NTRK3: variants seen among roughly 807,000 people sequenced by gnomAD.
The protein encoded by NTRK3 is neurotrophic receptor tyrosine kinase 3, also known as NT-3 growth factor receptor.
NTRK3 carries 24 observed loss-of-function variants against 91.7 expected under a neutral mutation model. The ratio of observed to expected loss-of-function variants is 0.26; its 90% CI spans 0.19 to 0.37. NTRK3 has a LOEUF of 0.37. Among genes scored for constraint, NTRK3 ranks in the 10% least tolerant of loss-of-function variants. The pLI is 1.00. For synonymous variants in NTRK3, 483 were observed against 404.0 expected (o/e 1.20, Z -2.34); for missense variants, 880 against 1,068.9 (o/e 0.82, Z 2.46).
intron 13 of NTRK3, among the ~76,000 whole-genome samples, chr15:88,063,958 G>A (rs978338517): frequency 6.6e-6 from 1 of 152,142 alleles, no homozygotes; most frequent in African/African-American, 2.4e-5. Flanking sequence ...CTCAGAATGT[G>A]ACCTTATCTG....
chr15:87,920,437 C>T (rs2067775627), intron 17 of NTRK3, among the ~76,000 whole-genome samples: 1 of 152,174 alleles, frequency 6.6e-6, no homozygotes. Context: ...CAGTCTGTGG[C>T]CACGTCTCCT....
intron 13 of NTRK3, among the ~76,000 whole-genome samples, chr15:88,052,492 G>A (rs902556704): frequency 3.0e-4 from 46 of 152,322 alleles, no homozygotes; most frequent in African/African-American, 1.1e-3. Flanking sequence ...AAAGCCCATG[G>A]GCGTCTTTCA....
intron 14 of NTRK3, among the ~76,000 whole-genome samples, chr15:87,986,539 G>C (rs1326407635): frequency 3.3e-5 from 5 of 152,180 alleles, no homozygotes; most frequent in Admixed American, 3.3e-4. Context: ...CCAAATTATA[G>C]TTTTGTTCTG....
At chr15:88,169,870 C>T (rs539908180) in intron 5 of NTRK3, among the ~76,000 whole-genome samples, 21 of 152,264 alleles carry the variant, frequency 1.4e-4, no homozygotes, top group African/African-American at 4.8e-4. Context: ...TTTCAGGTGG[C>T]CTGGAAGCCT....
chr15:88,100,991 G>T (rs149182609), intron 13 of NTRK3, among the ~76,000 whole-genome samples: 1,832 of 152,270 alleles, frequency 0.012, 30 homozygotes, highest in African/African-American at 0.042. Context: ...AAAAGCAATT[G>T]CAACAAAAGC....
chr15:88,168,979 G>A (rs563818176), intron 5 of NTRK3, among the ~76,000 whole-genome samples: 4 of 152,204 alleles, frequency 2.6e-5, no homozygotes, highest in Admixed American at 6.5e-5. Flanking sequence ...TAACTAAAGC[G>A]AGTCAGAGGC....
rs1444731394 is a variant in NTRK3 at position 88,212,759 on chromosome 15, C to CACAT, written c.249-28461_249-28460insATGT. 3.7e-3 allele frequency among the ~76,000 whole-genome samples: 373 copies of CACAT among 101,268 alleles called. 2 individuals carry two copies. Among genetic ancestry groups the CACAT allele is most frequent in the Admixed American group, 0.012 (119 of 9,820 alleles). The allele number at this position is 101,268 out of a possible 152,430, so 66.4% of individuals were successfully genotyped here. A position where few individuals can be genotyped will look rare whatever the true frequency, so the allele number is the denominator to read the frequency against. On this transcript the variant is annotated intron_variant, in intron 3 of 18. Coordinates refer to ENST00000394480, the Ensembl canonical transcript of NTRK3. Reference sequence around the variant, plus strand: ...ACACACACACACACACACACACACACATCCCAGGCCCCCATGGCCAGCAGT... The same window carrying CACAT: ...ACACACACACACACACACACACACACACATATCCCAGGCCCCCATGGCCAGCAGT...
intron 17 of NTRK3, among the ~76,000 whole-genome samples, chr15:87,896,289 G>A (rs1287589356): frequency 6.6e-6 from 1 of 152,054 alleles, no homozygotes; most frequent in African/African-American, 2.4e-5. Context: ...CGGCCAATAT[G>A]GTGAAACCCT....
At chr15:88,075,674 T>C (rs2047480780) in intron 13 of NTRK3, among the ~76,000 whole-genome samples, 2 of 152,110 alleles carry the variant, frequency 1.3e-5, no homozygotes, top group South Asian at 4.2e-4. Context: ...TACCTCAAAA[T>C]TCCCTCCACC....
chr15:88,073,464 T>G (rs1567339503), intron 13 of NTRK3, among the ~76,000 whole-genome samples: 1 of 152,058 alleles, frequency 6.6e-6, no homozygotes, highest in Non-Finnish European at 1.5e-5. Context: ...GCGGGTGTTG[T>G]CACAAGCCTT....
chr15:88,191,910 C>T (rs555802507), intron 3 of NTRK3, among the ~76,000 whole-genome samples: 2 of 152,336 alleles, frequency 1.3e-5, no homozygotes, highest in South Asian at 4.1e-4. Flanking sequence ...CCTGGGGAGC[C>T]AGACCTGAGA....
At chr15:88,242,155 A>G (rs1327346531) in intron 3 of NTRK3, among the ~76,000 whole-genome samples, 1 of 152,184 alleles carries the variant, frequency 6.6e-6, no homozygotes, top group Non-Finnish European at 1.5e-5. Flanking sequence ...TCTCCCTCCC[A>G]GGCTTCCTGG....
chr15:88,036,398 C>G (rs1392527703), intron 13 of NTRK3, among the ~76,000 whole-genome samples: 1 of 146,590 alleles, frequency 6.8e-6, no homozygotes, highest in Non-Finnish European at 1.5e-5. Context: ...GGATGGGGAA[C>G]TTTTTAACCT....
intron 14 of NTRK3, chr15:87,979,578 G>A: frequency 1.4e-6 from 1 of 713,088 alleles, no homozygotes; most frequent in Non-Finnish European, 2.4e-6. Context: ...GAAAGGGGAA[G>A]AACTGTCAGC....
At chr15:88,223,615 C>T (rs2141612749) in intron 3 of NTRK3, among the ~76,000 whole-genome samples, 1 of 152,350 alleles carries the variant, frequency 6.6e-6, no homozygotes, top group East Asian at 1.9e-4. Flanking sequence ...AACGCCACCA[C>T]TTCATCGCTC....
At chr15:87,959,078 G>C (rs2071983214) in intron 14 of NTRK3, among the ~76,000 whole-genome samples, 1 of 149,996 alleles carries the variant, frequency 6.7e-6, no homozygotes, top group African/African-American at 2.5e-5. Flanking sequence ...CCACCTTAGA[G>C]CCATGACAGC....
chr15:88,015,521 C>A (rs1489543426), intron 14 of NTRK3, among the ~76,000 whole-genome samples: 2 of 152,242 alleles, frequency 1.3e-5, no homozygotes, highest in East Asian at 3.9e-4. Context: ...CTCTGTGGAG[C>A]CTTTACCCAA....
chr15:88,172,647 C>T (rs7167298), intron 5 of NTRK3, among the ~76,000 whole-genome samples: 10,232 of 152,214 alleles, frequency 0.067, 1,160 homozygotes, highest in African/African-American at 0.23. Context: ...TTAGGGTTTT[C>T]GACTAAGAAT....
intron 9 of NTRK3, 120 bp from the exon 10 acceptor site, chr15:88,135,517 G>C: frequency 8.7e-7 from 1 of 1,148,538 alleles, no homozygotes; most frequent in South Asian, 1.3e-5. Context: ...AAGGCTGAGG[G>C]AAGCAGAAGT....
Sources: allele counts gnomAD v4.1 joint callset (sites outside exome capture counted in the v4.1 genomes callset), GRCh38; gene constraint gnomAD v4.1.1; transcripts MANE v1.5; gene names NCBI Gene and HGNC (gene_info 2026-07-23, HGNC 2026-07-21).